The following THSD7A variants were observed in gnomAD, a reference collection of about 807,000 sequenced individuals.
THSD7A encodes thrombospondin type 1 domain containing 7A, also known as thrombospondin type-1 domain-containing protein 7A.
In THSD7A, 96 loss-of-function variants were observed where a neutral mutation model predicts 231.3. That is an observed-to-expected ratio of 0.41 (90% CI 0.35 to 0.49). The LOEUF is 0.49. THSD7A is among the 20% of genes least tolerant of loss of function. The probability of loss-of-function intolerance (pLI) is 0.05; values close to 1 mark genes in which losing one functional copy is unlikely to be tolerated. For missense variants in THSD7A, 2,290 were observed against 2,070.2 expected, an observed-to-expected ratio of 1.11 and a Z score of -2.06; for synonymous variants, 940 against 743.3, an observed-to-expected ratio of 1.26 and a Z score of -4.30.
At chr7:11,477,030 A>G (rs1382477003) in intron 7 of THSD7A, among the ~76,000 whole-genome samples, 1 of 152,156 alleles carries the variant, frequency 6.6e-6, no homozygotes, top group Non-Finnish European at 1.5e-5. Flanking sequence ...TCTCCTATAC[A>G]TAAGCAATTA....
At chr7:11,588,713 A>G (rs527740669) in intron 4 of THSD7A, among the ~76,000 whole-genome samples, 2 of 152,286 alleles carry the variant, frequency 1.3e-5, no homozygotes, top group South Asian at 4.2e-4. Context: ...GACATAATTG[A>G]CATTCCAAAA....
In THSD7A at chr7:11,406,997, G is replaced by C. The variant is rs752034359; in HGVS notation, c.3975C>G (p.Cys1325Trp). Residue 1325 changes from cysteine (C) to tryptophan (W), a missense_variant, in exon 21 of 28, where the codon TGC becomes TGG. By Grantham distance (215) the Cys-to-Trp change is radical. Transcript: ENST00000423059. This position sits in a 1 kb window ranked among gnomAD's most constrained non-coding sequence, Gnocchi z 4.7. Reference sequence around the variant, plus strand: ...GTTTGGACTGGTCCATCAGGGAAGGGCATGGTCTTCCATCACCTTGAAAGG... The same window carrying C: ...GTTTGGACTGGTCCATCAGGGAAGGCCATGGTCTTCCATCACCTTGAAAGG... ...TQPFQGDGRP[C>W]PSLMDQSKPC... 3 of 1,613,788 alleles carry C rather than the reference G, an allele frequency of 1.9e-6. No individual in the cohort carries two copies. The highest frequency in any genetic ancestry group is 2.2e-5 in the South Asian group (2 of 91,060).
chr7:11,583,405 T>C (rs1791252890), intron 4 of THSD7A, among the ~76,000 whole-genome samples: 1 of 152,134 alleles, frequency 6.6e-6, no homozygotes, highest in African/African-American at 2.4e-5. Context: ...GCCTCCCATG[T>C]AGATGGGACT....
intron 2 of THSD7A, among the ~76,000 whole-genome samples, chr7:11,618,461 C>G (rs1176779105): frequency 2.0e-5 from 3 of 152,030 alleles, no homozygotes; most frequent in Non-Finnish European, 4.4e-5. Context: ...AACTTACACT[C>G]CATTGGGGAA....
At chr7:11,468,054 C>G (rs1785779127) in intron 9 of THSD7A, among the ~76,000 whole-genome samples, 1 of 151,930 alleles carries the variant, frequency 6.6e-6, no homozygotes, top group South Asian at 2.1e-4. Context: ...TTACACAATA[C>G]AAGAAAATAT....
At chr7:11,657,323 A>G (rs1782747651) in intron 1 of THSD7A, among the ~76,000 whole-genome samples, 1 of 151,764 alleles carries the variant, frequency 6.6e-6, no homozygotes, top group South Asian at 2.1e-4. Flanking sequence ...GTTTAGGTAC[A>G]ATTGTGAAGG....
At chr7:11,597,280 T>C (rs1318125302) in intron 2 of THSD7A, among the ~76,000 whole-genome samples, 1 of 152,200 alleles carries the variant, frequency 6.6e-6, no homozygotes, top group African/African-American at 2.4e-5. Context: ...TGGCTCCTCC[T>C]ACAACCAAGA....
intron 1 of THSD7A, among the ~76,000 whole-genome samples, chr7:11,810,843 A>T (rs1434180615): frequency 6.6e-6 from 1 of 152,174 alleles, no homozygotes; most frequent in Non-Finnish European, 1.5e-5. Context: ...AAATGTAGAA[A>T]ACCATTCAGA....
At chr7:11,566,276 A>G (rs1394554249) in intron 4 of THSD7A, among the ~76,000 whole-genome samples, 1 of 152,234 alleles carries the variant, frequency 6.6e-6, no homozygotes, top group Non-Finnish European at 1.5e-5. Flanking sequence ...AGTTTTCAGT[A>G]CATGTCTCCA....
chr7:11,559,520 C>CAT (rs200390688), intron 4 of THSD7A, among the ~76,000 whole-genome samples: 7,845 of 139,414 alleles, frequency 0.056, 458 homozygotes, highest in African/African-American at 0.14. Context: ...TATATAAATC[C>CAT]ATATATATAT....
chr7:11,579,194 G>A (rs1028717995), intron 4 of THSD7A, among the ~76,000 whole-genome samples: 2 of 151,732 alleles, frequency 1.3e-5, no homozygotes, highest in African/African-American at 4.8e-5. Context: ...CCTTTTTATT[G>A]CCCATTGCTT....
intron 1 of THSD7A, among the ~76,000 whole-genome samples, chr7:11,642,965 G>T (rs901915712): frequency 1.3e-5 from 2 of 151,942 alleles, no homozygotes; most frequent in African/African-American, 2.4e-5. Flanking sequence ...TATGTCAAGG[G>T]CATGAGAACA....
intron 6 of THSD7A, among the ~76,000 whole-genome samples, chr7:11,522,843 C>T (rs1212809585): frequency 6.6e-6 from 1 of 152,078 alleles, no homozygotes; most frequent in East Asian, 1.9e-4. Context: ...TCATAGCACA[C>T]ATTTAATAAA....
chr7:11,394,145 C>T (rs1783090795), intron 23 of THSD7A, among the ~76,000 whole-genome samples: 1 of 152,184 alleles, frequency 6.6e-6, no homozygotes, highest in African/African-American at 2.4e-5. Flanking sequence ...CAAAGGGAAG[C>T]CCATCAGACT....
intron 1 of THSD7A, among the ~76,000 whole-genome samples, chr7:11,708,006 A>C (rs1780826708): frequency 1.3e-5 from 2 of 150,820 alleles, no homozygotes; most frequent in South Asian, 4.1e-4. Context: ...ATGTCAAACC[A>C]AATATTCCTT....
chr7:11,511,645 C>T (rs559195510), intron 6 of THSD7A, among the ~76,000 whole-genome samples: 90 of 152,320 alleles, frequency 5.9e-4, no homozygotes, highest in African/African-American at 2.1e-3. Context: ...CTACAACTAT[C>T]TGATCTTTGA....
Position 11,406,567 on chromosome 7 carries a change from T to C in THSD7A, c.4063-93A>G. 1 of 1,309,866 alleles carries C rather than the reference T, an allele frequency of 7.6e-7. No homozygotes were observed. Among genetic ancestry groups the C allele is most frequent in the Non-Finnish European group, 1.0e-6 (1 of 973,714 alleles). The allele number at this position is 1,309,866 out of a possible 1,614,324, so 81.1% of individuals were successfully genotyped here. On this transcript the variant is annotated intron_variant, in intron 21 of 27. Coordinates refer to ENST00000423059, the MANE Select transcript of THSD7A (RefSeq NM_015204.3). This position sits in a 1 kb window ranked among gnomAD's most constrained non-coding sequence, Gnocchi z 4.7. ...TTATCTCTGCACCACTGACTTTGATTTATGAACATTTAGAGAAGGATTTGA... is the reference window on the plus strand; with the variant it reads ...TTATCTCTGCACCACTGACTTTGATCTATGAACATTTAGAGAAGGATTTGA...
rs1783573918 is a variant in THSD7A, at chr7:11,406,154, A to G, written c.4237+146T>C. ...AATGAGACAGCGTCCCGTTCCCCACAGGCATAGTGTTGAGCTGTTGGCATA... is the reference window on the plus strand; with the variant it reads ...AATGAGACAGCGTCCCGTTCCCCACGGGCATAGTGTTGAGCTGTTGGCATA... On this transcript the variant is annotated intron_variant, in intron 22 of 27. Coordinates refer to ENST00000423059, the MANE Select transcript of THSD7A (RefSeq NM_015204.3). The surrounding 1 kb of genome is among the most constrained non-coding windows in gnomAD (Gnocchi z 4.7). 2.5e-6 allele frequency: 2 copies of G among 795,706 alleles called. No individual in the cohort carries two copies. Among genetic ancestry groups the G allele is most frequent in the Non-Finnish European group, 3.7e-6 (2 of 537,606 alleles). 49.3% of individuals were successfully genotyped at this position (795,706 alleles called of 1,614,324 possible). A position where few individuals can be genotyped will look rare whatever the true frequency, so the allele number is the denominator to read the frequency against.
At chr7:11,492,779 A>ATCCTCTATG (rs1168852421) in intron 6 of THSD7A, among the ~76,000 whole-genome samples, 83 of 152,246 alleles carry the variant, frequency 5.5e-4, no homozygotes, top group African/African-American at 1.8e-3. Context: ...CATCACCATT[A>ATCCTCTATG]AACTTTTCCA....
Sources: gnomAD v4.1 joint callset for allele counts (sites outside exome capture counted in the v4.1 genomes callset) on GRCh38, gnomAD v4.1.1 for gene constraint, Gnocchi (gnomAD v3.1) non-coding constraint, MANE v1.5 for transcripts, NCBI Gene and HGNC (gene_info 2026-07-23, HGNC 2026-07-21) for gene names.